The following RGS8 variants were observed in gnomAD, a reference collection of about 807,000 sequenced individuals.
RGS8 encodes the protein regulator of G-protein signaling 8.
A neutral mutation model predicts 21.7 loss-of-function variants in RGS8; 8 were observed. The ratio of observed to expected loss-of-function variants is 0.37; its 90% confidence interval spans 0.22 to 0.66. The LOEUF (loss-of-function observed/expected upper bound fraction) is 0.66. Ranked by LOEUF, RGS8 falls within the 30% of genes least tolerant of loss-of-function variation. RGS8 has a pLI of 0.59. For missense variants in RGS8, 157 were observed against 217.9 expected (o/e 0.72, Z 1.76); for synonymous variants, 80 against 83.6 (o/e 0.96, Z 0.24).
intron 5 of RGS8, among the ~76,000 whole-genome samples, chr1:182,659,550 T>C (rs1663479442): frequency 6.6e-6 from 1 of 152,060 alleles, no homozygotes; most frequent in African/African-American, 2.4e-5. Context: ...AATGCAAAAA[T>C]TAGCTGGGCA....
At chr1:182,705,597 C>T in the RGS8 span, among the ~76,000 whole-genome samples, 10 of 135,570 alleles carry the variant, frequency 7.4e-5, no homozygotes, top group Non-Finnish European at 1.1e-4. Flanking sequence ...AAGGAGAAGG[C>T]CTCAGGAATG....
chr1:182,721,008 C>CACATATATATGTGTGT, the RGS8 span, among the ~76,000 whole-genome samples: 959 of 90,160 alleles, frequency 0.011, 25 homozygotes, highest in Non-Finnish European at 0.014. Flanking sequence ...TGTATATATA[C>CACATATATATGTGTGT]ATATATACAC....
At chr1:182,743,848 A>G in the RGS8 span, among the ~76,000 whole-genome samples, 14 of 152,224 alleles carry the variant, frequency 9.2e-5, no homozygotes, top group African/African-American at 3.1e-4. Context: ...GACATGCTAC[A>G]TACACATACC....
intron 3 of RGS8, among the ~76,000 whole-genome samples, chr1:182,667,950 G>A (rs1010339106): frequency 1.3e-5 from 2 of 152,018 alleles, no homozygotes; most frequent in Non-Finnish European, 2.9e-5. Context: ...CTGAGTAGCC[G>A]GGATTACAGG....
rs777481536 is a variant in RGS8 at position 182,671,748 on chromosome 1, C to A, written c.-177-18G>T. On this transcript the variant is annotated intron_variant, in intron 1 of 6. Transcript: ENST00000483095. ...AAGGTGTTCTGGGGAAAAAGTAGAT[C>A]TTTCTTTTAGCAGTCAAATCCTCGG... 1.2e-6 allele frequency: 2 copies of A among 1,613,904 alleles called. No individual in the cohort carries two copies. The highest frequency in any genetic ancestry group is 2.2e-5 in the South Asian group (2 of 91,086).
the RGS8 span, among the ~76,000 whole-genome samples, chr1:182,721,095 G>T: frequency 9.0e-6 from 1 of 110,606 alleles, no homozygotes; most frequent in Non-Finnish European, 1.9e-5. Flanking sequence ...ATATATGTGT[G>T]TATATATATA....
upstream of RGS8, among the ~76,000 whole-genome samples, chr1:182,686,533 T>G (rs1302181233): frequency 3.9e-5 from 6 of 152,032 alleles, no homozygotes; most frequent in African/African-American, 1.4e-4. Flanking sequence ...GAGCTCAGAA[T>G]GTGGGGCTTG....
At chr1:182,696,310 TTTTTA>T in the RGS8 span, among the ~76,000 whole-genome samples, 5 of 152,174 alleles carry the variant, frequency 3.3e-5, no homozygotes, top group African/African-American at 1.2e-4. Flanking sequence ...GCTTTTTTAT[TTTTTA>T]TTTTATTTCA....
chr1:182,685,807 C>T (rs541836417), upstream of RGS8, among the ~76,000 whole-genome samples: 99 of 152,058 alleles, frequency 6.5e-4, no homozygotes, highest in Non-Finnish European at 1.3e-3. Context: ...AAAATCAGGC[C>T]GATTCAGCAG....
At chr1:182,742,226 C>T in the RGS8 span, among the ~76,000 whole-genome samples, 1 of 150,182 alleles carries the variant, frequency 6.7e-6, no homozygotes, top group East Asian at 2.0e-4. Context: ...GGGATGGCGG[C>T]CGGGCAGAGA....
the RGS8 span, among the ~76,000 whole-genome samples, chr1:182,743,962 CTA>C: frequency 7.2e-5 from 11 of 152,184 alleles, no homozygotes; most frequent in Non-Finnish European, 5.9e-5. Context: ...CTTCCTGAAA[CTA>C]TGTTTTTATA....
At chr1:182,726,206 G>T in the RGS8 span, among the ~76,000 whole-genome samples, 28 of 151,746 alleles carry the variant, frequency 1.8e-4, no homozygotes, top group African/African-American at 6.3e-4. Flanking sequence ...AAAAACTTCA[G>T]GTTTCCAAAA....
chr1:182,681,751 G>A (rs1222177599), intron 1 of RGS8, among the ~76,000 whole-genome samples: 1 of 152,240 alleles, frequency 6.6e-6, no homozygotes. Flanking sequence ...AGGGACGAGG[G>A]CTGTGTGGGT....
intron 5 of RGS8, among the ~76,000 whole-genome samples, chr1:182,662,128 C>T (rs1663621882): frequency 6.6e-6 from 1 of 152,042 alleles, no homozygotes; most frequent in Non-Finnish European, 1.5e-5. Flanking sequence ...AACATTTGCC[C>T]TCCAGATTTT....
chr1:182,749,761 C>T, the RGS8 span, among the ~76,000 whole-genome samples: 1 of 152,128 alleles, frequency 6.6e-6, no homozygotes, highest in South Asian at 2.1e-4. Flanking sequence ...GATACGTGTG[C>T]AGAACATGCA....
At chr1:182,710,363 A>G in the RGS8 span, among the ~76,000 whole-genome samples, 30 of 152,232 alleles carry the variant, frequency 2.0e-4, no homozygotes, top group Non-Finnish European at 4.3e-4. Context: ...TACCCTCTTG[A>G]TACTACAAAG....
chr1:182,706,059 C>T, the RGS8 span, among the ~76,000 whole-genome samples: 4 of 152,092 alleles, frequency 2.6e-5, no homozygotes, highest in African/African-American at 4.8e-5. Context: ...CTCGGGTCCC[C>T]GCAACCTCTG....
chr1:182,663,197 A>C (rs1663686230), intron 5 of RGS8, among the ~76,000 whole-genome samples: 1 of 152,206 alleles, frequency 6.6e-6, no homozygotes, highest in Non-Finnish European at 1.5e-5. Context: ...ATCCCTTTGG[A>C]AAAGCTTAAT....
At chr1:182,744,250 G>C in the RGS8 span, among the ~76,000 whole-genome samples, 7 of 152,116 alleles carry the variant, frequency 4.6e-5, no homozygotes, top group African/African-American at 1.7e-4. Context: ...GGGCTCGAGA[G>C]TAGCTGGGAC....
Sources: gnomAD v4.1 joint callset for allele counts (sites outside exome capture counted in the v4.1 genomes callset) on GRCh38, gnomAD v4.1.1 for gene constraint, MANE v1.5 for transcripts, NCBI Gene and HGNC (gene_info 2026-07-23, HGNC 2026-07-21) for gene names.